Variants in ATP8A1 observed in about 807,000 individuals in gnomAD.
ATP8A1 encodes the protein phospholipid-transporting ATPase IA.
In ATP8A1, 90 loss-of-function variants were observed where a neutral mutation model predicts 177.7. The ratio of observed to expected loss-of-function variants is 0.51; its 90% CI spans 0.43 to 0.60. The LOEUF is 0.60. ATP8A1 is among the 20% of genes least tolerant of loss of function. The pLI is 0.00. For missense variants in ATP8A1, 1,072 were observed against 1,392.8 expected, an observed-to-expected ratio of 0.77 and a Z score of 3.67; for synonymous variants, 493 against 485.9, an observed-to-expected ratio of 1.01 and a Z score of -0.19.
Position 42,455,396 on chromosome 4 carries a change from T to C in ATP8A1, c.2718A>G (p.Leu906=), listed in dbSNP as rs775941358. ...ATGATCTCTCAAATATTCCAAGAGT[T>C]AAAGGAGGCATTGCTGTAAACATCT... is the stretch of plus-strand genomic sequence containing the variant. The part of the protein sequence containing the change: ...YNVMFTAMPP[L]TLGIFERSCR... The change falls in exon 29 of 37, where the codon TTA becomes TTG. Residue 906 remains leucine (L), a synonymous_variant. Transcript: ENST00000381668. 3 of 1,613,934 alleles carry C rather than the reference T, an allele frequency of 1.9e-6. No individual in the cohort carries two copies. Among genetic ancestry groups the C allele is most frequent in the South Asian group, 2.2e-5 (2 of 91,072 alleles).
At chr4:42,451,926 A>G in intron 30 of ATP8A1, 55 bp downstream of exon 30, 1 of 1,275,138 alleles carries the variant, frequency 7.8e-7, no homozygotes. Flanking sequence ...ACAATGAGTT[A>G]TTTTTCTAAA....
At chr4:42,607,294 T>C (rs1735890641) in intron 5 of ATP8A1, among the ~76,000 whole-genome samples, 1 of 152,220 alleles carries the variant, frequency 6.6e-6, no homozygotes, top group African/African-American at 2.4e-5. Flanking sequence ...TAGATGAGTA[T>C]ACTCTGATAA....
intron 21 of ATP8A1, among the ~76,000 whole-genome samples, chr4:42,524,307 C>A (rs574529272): frequency 6.6e-6 from 1 of 152,076 alleles, no homozygotes; most frequent in Non-Finnish European, 1.5e-5. Context: ...AATTGAATAA[C>A]AATTTTAATA....
intron 24 of ATP8A1, among the ~76,000 whole-genome samples, chr4:42,498,063 G>A (rs1723462530): frequency 6.6e-6 from 1 of 152,172 alleles, no homozygotes; most frequent in South Asian, 2.1e-4. Flanking sequence ...CACCAATGCT[G>A]GCAGTGGAGG....
chr4:42,487,958 G>C lies in ATP8A1; in HGVS notation c.2152-2290C>G, dbSNP rs115980202. 9.8e-3 allele frequency among the ~76,000 whole-genome samples: 1,491 copies of C among 152,278 alleles called. 15 individuals are homozygous for C. Among genetic ancestry groups the C allele is most frequent in the Non-Finnish European group, 0.015 (1,044 of 68,022 alleles). On this transcript the variant is annotated intron_variant, in intron 24 of 36. Coordinates refer to ENST00000381668, the MANE Select transcript of ATP8A1 (RefSeq NM_006095.2). ...TGTTCACACTTTACATCAGGGATGGGGGGAGAGTAGCTGTTTTAATTTACA... is the reference window on the plus strand; with the variant it reads ...TGTTCACACTTTACATCAGGGATGGCGGGAGAGTAGCTGTTTTAATTTACA...
At chr4:42,541,470 T>C (rs1047505683) in intron 20 of ATP8A1, among the ~76,000 whole-genome samples, 4 of 152,214 alleles carry the variant, frequency 2.6e-5, no homozygotes, top group Non-Finnish European at 4.4e-5. Context: ...GTCAGTTTCT[T>C]ACAAAATGAA....
intron 27 of ATP8A1, among the ~76,000 whole-genome samples, chr4:42,463,873 T>G (rs1719438850): frequency 6.6e-6 from 1 of 152,224 alleles, no homozygotes; most frequent in Admixed American, 6.5e-5. Flanking sequence ...GATGCTTGTA[T>G]GTAACAAAGA....
In ATP8A1 at chr4:42,657,086, G is replaced by T. The variant is rs1741726068; in HGVS notation, c.-213C>A. On this transcript the variant is annotated 5_prime_UTR_variant, in exon 1 of 37. Coordinates refer to ENST00000381668, the MANE Select transcript of ATP8A1 (RefSeq NM_006095.2). ...GGTGGCGGCGAAGGTGGCGGCGCCC[G>T]CAGAGCTGGGCGAGCTCTTGCTGCA... is the stretch of plus-strand genomic sequence containing the variant. 1 of 411,144 alleles carries T rather than the reference G, an allele frequency of 2.4e-6. No individual in the cohort carries two copies. Among genetic ancestry groups the T allele is most frequent in the Non-Finnish European group, 4.1e-6 (1 of 242,616 alleles). The allele number at this position is 411,144 out of a possible 1,614,324, so 25.5% of individuals were successfully genotyped here.
chr4:42,438,610 T>C (rs1271457026), intron 33 of ATP8A1, among the ~76,000 whole-genome samples: 1 of 152,046 alleles, frequency 6.6e-6, no homozygotes, highest in Non-Finnish European at 1.5e-5. Context: ...GGGAGCACTT[T>C]CATATCTGGC....
intron 27 of ATP8A1, among the ~76,000 whole-genome samples, chr4:42,462,913 C>T (rs1446212472): frequency 2.0e-5 from 3 of 152,218 alleles, no homozygotes; most frequent in African/African-American, 7.2e-5. Flanking sequence ...TAAGGTTTTA[C>T]TGCCCTGCTG....
At chr4:42,450,354 T>G (rs563906713) in intron 30 of ATP8A1, among the ~76,000 whole-genome samples, 1 of 152,194 alleles carries the variant, frequency 6.6e-6, no homozygotes, top group Admixed American at 6.5e-5. Flanking sequence ...CCAATGGATA[T>G]GGGGCTTCTC....
intron 5 of ATP8A1, among the ~76,000 whole-genome samples, chr4:42,607,206 G>T (rs927416858): frequency 1.3e-5 from 2 of 152,122 alleles, no homozygotes; most frequent in Non-Finnish European, 2.9e-5. Flanking sequence ...CATTTACTGT[G>T]TTCTTGAAAT....
chr4:42,596,122 C>T (rs1055088521), intron 6 of ATP8A1, among the ~76,000 whole-genome samples: 3 of 152,198 alleles, frequency 2.0e-5, no homozygotes, highest in Admixed American at 2.0e-4. Flanking sequence ...ATACGGCATT[C>T]CCCTTCCAGC....
chr4:42,455,431 A>G lies in ATP8A1; in HGVS notation c.2695-12T>C. On this transcript the variant is annotated splice_polypyrimidine_tract_variant and intron_variant, in intron 28 of 36. Coordinates refer to ENST00000381668, the MANE Select transcript of ATP8A1 (RefSeq NM_006095.2). The stretch of plus-strand genomic sequence containing the variant: ...ATTGCTGTAAACATCTAAAGCGCAC[A>G]AACTGGTCATTATGTCAAGCAGCCA... 1 of 1,613,818 alleles carries G rather than the reference A, an allele frequency of 6.2e-7. No homozygotes were observed. The highest frequency in any genetic ancestry group is 8.5e-7 in the Non-Finnish European group (1 of 1,179,764).
chr4:42,470,975 G>A (rs1039772451), intron 25 of ATP8A1, among the ~76,000 whole-genome samples: 10 of 152,046 alleles, frequency 6.6e-5, no homozygotes, highest in Non-Finnish European at 1.3e-4. Context: ...AGAGAAAAAC[G>A]TAAACTAGAA....
intron 20 of ATP8A1, among the ~76,000 whole-genome samples, chr4:42,532,128 A>G (rs916131625): frequency 6.6e-6 from 1 of 152,036 alleles, no homozygotes; most frequent in Admixed American, 6.6e-5. Context: ...ACACAGACAC[A>G]GACACACAGA....
chr4:42,472,048 T>C (rs931379917), intron 25 of ATP8A1: 1 of 721,644 alleles, frequency 1.4e-6, no homozygotes, highest in Non-Finnish European at 2.6e-6. Flanking sequence ...CTCTGGCTAG[T>C]ACGTGAATTG....
At chr4:42,557,781 G>T (rs1730396371) in intron 15 of ATP8A1, among the ~76,000 whole-genome samples, 1 of 152,280 alleles carries the variant, frequency 6.6e-6, no homozygotes, top group South Asian at 2.1e-4. Context: ...CATGGCTTAT[G>T]TCTGTAATCC....
At chr4:42,519,735 C>T (rs1311627076) in intron 22 of ATP8A1, among the ~76,000 whole-genome samples, 3 of 152,172 alleles carry the variant, frequency 2.0e-5, no homozygotes, top group African/African-American at 7.2e-5. Context: ...GAGTAAATGA[C>T]CCAATCTCTT....
Sources: allele counts gnomAD v4.1 joint callset (sites outside exome capture counted in the v4.1 genomes callset), GRCh38; gene constraint gnomAD v4.1.1; transcripts MANE v1.5; gene names NCBI Gene and HGNC (gene_info 2026-07-23, HGNC 2026-07-21).